The following PLEKHA7 variants were observed in gnomAD, a reference collection of about 807,000 sequenced individuals.
The protein encoded by PLEKHA7 is pleckstrin homology domain-containing family A member 7.
A neutral mutation model predicts 170.0 loss-of-function variants in PLEKHA7; 104 were observed. The observed-to-expected ratio is 0.61, with a 90% confidence interval of 0.52 to 0.72. The LOEUF (loss-of-function observed/expected upper bound fraction) is 0.72, where lower values mean the gene tolerates loss of function less well. PLEKHA7 is among the 30% of genes least tolerant of loss of function. The pLI is 0.00. For synonymous variants in PLEKHA7, 648 were observed against 660.8 expected, an observed-to-expected ratio of 0.98 and a Z score of 0.30; for missense variants, 1,615 against 1,671.7, an observed-to-expected ratio of 0.97 and a Z score of 0.59.
chr11:16,956,092 T>C (rs943403648), intron 3 of PLEKHA7, among the ~76,000 whole-genome samples: 4 of 152,210 alleles, frequency 2.6e-5, no homozygotes, highest in African/African-American at 9.7e-5. Context: ...TTTTGTACTT[T>C]CCACAGGGAC....
At chr11:16,936,262 C>T (rs1446911529) in intron 3 of PLEKHA7, among the ~76,000 whole-genome samples, 1 of 151,690 alleles carries the variant, frequency 6.6e-6, no homozygotes, top group South Asian at 2.1e-4. Context: ...ATGAGCCAGG[C>T]GTGGTGGCAG....
chr11:16,953,730 T>C (rs1179675564), intron 3 of PLEKHA7, among the ~76,000 whole-genome samples: 1 of 152,230 alleles, frequency 6.6e-6, no homozygotes, highest in Non-Finnish European at 1.5e-5. Context: ...GTAAGTATAC[T>C]TGGTTGACTG....
chr11:16,951,107 A>T (rs1229980344), intron 3 of PLEKHA7, among the ~76,000 whole-genome samples: 1 of 152,194 alleles, frequency 6.6e-6, no homozygotes, highest in Non-Finnish European at 1.5e-5. Context: ...ATCTCATTTA[A>T]TCCTTCATAA....
chr11:16,933,288 G>A (rs999489655), intron 3 of PLEKHA7, among the ~76,000 whole-genome samples: 1 of 152,210 alleles, frequency 6.6e-6, no homozygotes, highest in African/African-American at 2.4e-5. Context: ...AGTAAGTGGA[G>A]GATCCAGTAT....
At position 16,784,077 on chromosome 11, in the gene PLEKHA7, G is replaced by A. The variant is rs576331637; in HGVS notation, c.3517-244C>T. Reference sequence around the variant, plus strand: ...CTACAGGCTGGGGGAAGGGAAGGGCGAAATAACTAGACTACAAGCTCTCAG... The same window carrying A: ...CTACAGGCTGGGGGAAGGGAAGGGCAAAATAACTAGACTACAAGCTCTCAG... On this transcript the variant is annotated intron_variant, in intron 24 of 26. Transcript: ENST00000531066. Among the ~76,000 whole-genome samples the A allele has an allele frequency of 7.2e-5, 11 of 152,304 alleles. No individual in the cohort carries two copies. In the East Asian group the frequency reaches 1.7e-3, roughly 24 times the overall value.
Position 16,782,856 on chromosome 11 carries a change from T to C in PLEKHA7, c.3691A>G (p.Ser1231Gly), listed in dbSNP as rs1197999372. The C allele has an allele frequency of 5.2e-6, 8 of 1,536,060 alleles. No homozygotes were observed. Among genetic ancestry groups the C allele is most frequent in the Non-Finnish European group, 7.0e-6 (8 of 1,146,916 alleles). ...LQPTSGQDQN[S>G]VADLDLQLQE... ...AGCTGCAAGTCCAGGTCAGCCACACTGTTCTGGTCCTGGCCTGAGGTCGGC... is the reference window on the plus strand; with the variant it reads ...AGCTGCAAGTCCAGGTCAGCCACACCGTTCTGGTCCTGGCCTGAGGTCGGC... Residue 1231 changes from serine to glycine, a missense_variant, in exon 26 of 27, where the codon AGT becomes GGT. Transcript: ENST00000531066.
intron 3 of PLEKHA7, among the ~76,000 whole-genome samples, chr11:17,006,939 T>TA (rs1865034078): frequency 6.6e-6 from 1 of 152,186 alleles, no homozygotes; most frequent in Admixed American, 6.5e-5. Context: ...GATTTCAGAC[T>TA]AAAAAATGGG....
rs1388355641 is a variant in PLEKHA7, at chr11:16,791,881, G to C, written c.2746-682C>G. The stretch of plus-strand genomic sequence containing the variant: ...CTGTCCACAGTGTTCTGTGAGGGCT[G>C]TGGTTCCTCTACATATCAACAGACC... On this transcript the variant is annotated intron_variant, in intron 19 of 26. Coordinates refer to ENST00000531066, the MANE Select transcript of PLEKHA7 (RefSeq NM_001329630.2). The surrounding 1 kb of genome is among the most constrained non-coding windows in gnomAD (Gnocchi z 4.5). 6.6e-6 allele frequency among the ~76,000 whole-genome samples: 1 copy of C among 152,186 alleles called. No homozygotes were observed. Among genetic ancestry groups the C allele is most frequent in the East Asian group, 1.9e-4 (1 of 5,200 alleles).
In PLEKHA7 at chr11:16,791,115, C is replaced by G. The variant is rs1847819999; in HGVS notation, c.2830G>C (p.Glu944Gln). ...GATGTGTGCCGGATGATGGTGGCCT[C>G]TCTTGGCAGAGGCGGCACAGCCGGG... ...QPPAVPPLPREATIIRHTSVR... is the reference protein window; with the variant it reads ...QPPAVPPLPRQATIIRHTSVR... Residue 944 changes from glutamate (E) to glutamine (Q), a missense_variant, in exon 20 of 27, where the codon GAG becomes CAG. Transcript: ENST00000531066. The surrounding 1 kb of genome is among the most constrained non-coding windows in gnomAD (Gnocchi z 4.5). 1 of 1,614,044 alleles carries G rather than the reference C, an allele frequency of 6.2e-7. No homozygotes were observed. The highest frequency in any genetic ancestry group is 8.5e-7 in the Non-Finnish European group (1 of 1,180,040).
At chr11:16,847,078 GTTTTTTTTTTTCTTTTTTT>G (rs1647030534) in intron 8 of PLEKHA7, among the ~76,000 whole-genome samples, 1 of 129,536 alleles carries the variant, frequency 7.7e-6, no homozygotes, top group Admixed American at 7.9e-5. Context: ...TGTGGCTGAA[GTTTTTTTTTTTCTTTTTTT>G]TTTTTTTTTT....
Position 16,827,023 on chromosome 11 carries a change from T to C in PLEKHA7, c.873-433A>G, listed in dbSNP as rs190654016. On this transcript the variant is annotated intron_variant, in intron 9 of 26. Coordinates refer to ENST00000531066, the MANE Select transcript of PLEKHA7 (RefSeq NM_001329630.2). Reference sequence around the variant, plus strand: ...CAAGAGAGAATGAATAAATTATACATGTGACATTCCCATGAAGACCACTCC... The same window carrying C: ...CAAGAGAGAATGAATAAATTATACACGTGACATTCCCATGAAGACCACTCC... 3.6e-3 allele frequency among the ~76,000 whole-genome samples: 555 copies of C among 152,294 alleles called. 3 individuals carry two copies. Among genetic ancestry groups the C allele is most frequent in the African/African-American group, 0.013 (528 of 41,568 alleles).
chr11:16,888,655 C>G (rs868019518), intron 3 of PLEKHA7, among the ~76,000 whole-genome samples: 8 of 144,018 alleles, frequency 5.6e-5, no homozygotes, highest in Admixed American at 3.5e-4. Context: ...CAGCATGCTC[C>G]TTAAGAGTCA....
intron 8 of PLEKHA7, among the ~76,000 whole-genome samples, chr11:16,842,018 G>A (rs1199675122): frequency 6.6e-6 from 1 of 152,206 alleles, no homozygotes; most frequent in Admixed American, 6.5e-5. Context: ...GTGAGAAACA[G>A]GCTTTTCAGA....
intron 3 of PLEKHA7, among the ~76,000 whole-genome samples, chr11:16,902,563 C>T (rs374924200): frequency 2.6e-5 from 4 of 152,256 alleles, no homozygotes; most frequent in South Asian, 4.2e-4. Flanking sequence ...TATTTCATTA[C>T]GGTTTTGTTT....
At chr11:16,946,370 CGAACGAACGTGT>C (rs1565143605) in intron 3 of PLEKHA7, among the ~76,000 whole-genome samples, 2 of 152,162 alleles carry the variant, frequency 1.3e-5, no homozygotes, top group Non-Finnish European at 2.9e-5. Flanking sequence ...GACCTCTCCC[CGAACGAACGTGT>C]GAAACCCTCC....
At position 16,899,015 on chromosome 11, in the gene PLEKHA7, A is replaced by T. The variant is rs538429566; in HGVS notation, c.222-27833T>A. Among the ~76,000 whole-genome samples the T allele has an allele frequency of 2.0e-5, 3 of 152,328 alleles. No homozygotes were observed. In the East Asian group the frequency reaches 5.8e-4, roughly 29 times the overall value. On this transcript the variant is annotated intron_variant, in intron 3 of 26. Transcript: ENST00000531066. ...CCAATTCTTCCCTAAATTAATCTATATATTCAATGTGAAACCAATCAAGAT... is the reference window on the plus strand; with the variant it reads ...CCAATTCTTCCCTAAATTAATCTATTTATTCAATGTGAAACCAATCAAGAT...
At chr11:16,882,422 A>G (rs963361038) in intron 3 of PLEKHA7, among the ~76,000 whole-genome samples, 2 of 152,222 alleles carry the variant, frequency 1.3e-5, no homozygotes, top group African/African-American at 4.8e-5. Context: ...ATGTGTTTAC[A>G]TGCTTTCTGC....
chr11:16,814,740 G>A (rs1342238887), intron 12 of PLEKHA7, among the ~76,000 whole-genome samples: 1 of 152,192 alleles, frequency 6.6e-6, no homozygotes, highest in Non-Finnish European at 1.5e-5. Context: ...GTGAGGTTCA[G>A]CAAGATATGA....
At chr11:16,891,439 A>G (rs388968) in intron 3 of PLEKHA7, among the ~76,000 whole-genome samples, 16,870 of 152,258 alleles carry the variant, frequency 0.11, 1,151 homozygotes, top group East Asian at 0.17. Flanking sequence ...CCAACTCTGT[A>G]AACACTTTGA....
Sources: gnomAD v4.1 joint callset for allele counts (sites outside exome capture counted in the v4.1 genomes callset) on GRCh38, gnomAD v4.1.1 for gene constraint, Gnocchi (gnomAD v3.1) non-coding constraint, MANE v1.5 for transcripts, NCBI Gene and HGNC (gene_info 2026-07-23, HGNC 2026-07-21) for gene names.